Variants in ERCC1 observed in about 807,000 individuals in gnomAD.
ERCC1 encodes the protein ERCC excision repair 1, endonuclease non-catalytic subunit.
Under a neutral mutation model 37.6 loss-of-function variants are expected in ERCC1, and 36 were observed. The observed-to-expected ratio is 0.96, with a 90% CI of 0.73 to 1.26. The LOEUF is 1.26. Ranked by LOEUF, ERCC1 falls within the 50% of genes most tolerant of loss-of-function variation. ERCC1 has a pLI of 0.00. For synonymous variants in ERCC1, 156 were observed against 162.1 expected, an observed-to-expected ratio of 0.96 and a Z score of 0.28; for missense variants, 349 against 376.5, an observed-to-expected ratio of 0.93 and a Z score of 0.60.
At chr19:45,436,701 C>G (rs1974988997) in intron 1 of ERCC1, 2 of 152,296 alleles carry the variant, frequency 1.3e-5, no homozygotes, top group Non-Finnish European at 2.9e-5. Flanking sequence ...CTACGCTGAT[C>G]TCAAACTCCT....
chr19:45,429,505 G>A (rs1974783468), intron 1 of ERCC1, among the ~76,000 whole-genome samples: 1 of 151,984 alleles, frequency 6.6e-6, no homozygotes, highest in Non-Finnish European at 1.5e-5. Flanking sequence ...ACAGAATGGA[G>A]GACCTATTTA....
rs200459924 is a variant in ERCC1 at position 45,420,403 on chromosome 19, C to T, written c.346G>A (p.Val116Met). The change falls in exon 4 of 10, where the codon GTG (valine) becomes ATG (methionine). Residue 116 changes from valine to methionine, a missense_variant. Physicochemically the swap from Val to Met is conservative, Grantham distance 21. Coordinates refer to ENST00000300853, the MANE Select transcript of ERCC1 (RefSeq NM_001983.4). This position sits in a 1 kb window ranked among gnomAD's most constrained non-coding sequence, Gnocchi z 4.8. ...RQRGNPVLKFVRNVPWEFGDV... is the reference protein window; with the variant it reads ...RQRGNPVLKFMRNVPWEFGDV... ...CCAAATTCCCAGGGCACATTGCGCA[C>T]GAACTTCAGTACGGGATTGCCCCTC... 5.1e-5 allele frequency: 83 copies of T among 1,613,356 alleles called. No individual in the cohort carries two copies. The highest frequency in any genetic ancestry group is 3.3e-4 in the Middle Eastern group (2 of 6,084).
chr19:45,407,344 GA>G lies in ERCC1; in HGVS notation c.*2330del. 9.2e-7 allele frequency: 1 copy of G among 1,088,868 alleles called. No homozygotes were observed. The highest frequency in any genetic ancestry group is 1.3e-6 in the Non-Finnish European group (1 of 758,628). The allele number at this position is 1,088,868 out of a possible 1,614,324, so 67.5% of individuals were successfully genotyped here. Reference sequence around the variant, plus strand: ...AGGTGAGTCACAGAGCACAGTGAAAGAAACAAGTTTATTGGAAACTACTCCT... The same window carrying G: ...AGGTGAGTCACAGAGCACAGTGAAAGAACAAGTTTATTGGAAACTACTCCT... On this transcript the variant is annotated 3_prime_UTR_variant, in exon 10 of 10. Coordinates refer to ENST00000300853, the MANE Select transcript of ERCC1 (RefSeq NM_001983.4).
intron 1 of ERCC1, among the ~76,000 whole-genome samples, chr19:45,451,252 G>A (rs1967112832): frequency 6.6e-6 from 1 of 152,166 alleles, no homozygotes; most frequent in Admixed American, 6.5e-5. Flanking sequence ...CCGCGCTGTG[G>A]CTGTCTCATA....
intron 1 of ERCC1, among the ~76,000 whole-genome samples, chr19:45,431,872 A>G (rs988133793): frequency 1.3e-5 from 2 of 152,112 alleles, no homozygotes; most frequent in East Asian, 3.9e-4. Context: ...AGCCTGGACA[A>G]CAGACTGAGA....
chr19:45,407,457 T>G lies in ERCC1; in HGVS notation c.*2218A>C, dbSNP rs564538579. ...CTACTTATAAGAAACTATAAGGAAC[T>G]ATAGTTAAACTTGGAGTGTGCAGAT... On this transcript the variant is annotated 3_prime_UTR_variant, in exon 10 of 10. Transcript: ENST00000300853. 12 of 524,950 alleles carry G rather than the reference T, an allele frequency of 2.3e-5. No homozygotes were observed. In the East Asian group the frequency reaches 3.9e-4, roughly 17 times the overall value. The allele number at this position is 524,950 out of a possible 1,614,324, so 32.5% of individuals were successfully genotyped here. A position where few individuals can be genotyped will look rare whatever the true frequency, so the allele number is the denominator to read the frequency against.
chr19:45,421,241 C>T lies in ERCC1; in HGVS notation c.258G>A (p.Glu86=), dbSNP rs945172721. The T allele has an allele frequency of 4.0e-5, 64 of 1,614,100 alleles. No homozygotes were observed. Among genetic ancestry groups the T allele is most frequent in the Non-Finnish European group, 4.9e-5 (58 of 1,180,052 alleles). ...CPTGSEPLAG[E]TPNQALKPGA... ...CGGGTTTCAGGGCCTGGTTGGGCGTCTCTCCTGCCAGGGGCTCTGACCCTG... is the reference window on the plus strand; with the variant it reads ...CGGGTTTCAGGGCCTGGTTGGGCGTTTCTCCTGCCAGGGGCTCTGACCCTG... Residue 86 remains glutamate (E), a synonymous_variant, in exon 3 of 10, where the codon GAG becomes GAA. Transcript: ENST00000300853.
intron 1 of ERCC1, among the ~76,000 whole-genome samples, chr19:45,431,414 CATG>C (rs1974826630): frequency 1.3e-5 from 2 of 152,278 alleles, no homozygotes; most frequent in East Asian, 3.9e-4. Flanking sequence ...AGCAGTGGCT[CATG>C]CCTGTAATCC....
chr19:45,450,029 C>A (rs1967065315), intron 1 of ERCC1, among the ~76,000 whole-genome samples: 1 of 152,110 alleles, frequency 6.6e-6, no homozygotes, highest in South Asian at 2.1e-4. Flanking sequence ...CATAATTAAA[C>A]CTATTTTATA....
intron 1 of ERCC1, among the ~76,000 whole-genome samples, chr19:45,432,790 G>A (rs1974867602): frequency 6.6e-6 from 1 of 152,252 alleles, no homozygotes; most frequent in African/African-American, 2.4e-5. Context: ...AAGGGGGCCA[G>A]GTGGAGTGGC....
At position 45,408,944 on chromosome 19, in the gene ERCC1, C is replaced by G. The variant is rs371563856; in HGVS notation, c.*731G>C. 2.3e-5 allele frequency: 37 copies of G among 1,613,886 alleles called. No individual in the cohort carries two copies. The highest frequency in any genetic ancestry group is 2.5e-5 in the Non-Finnish European group (29 of 1,179,996). On this transcript the variant is annotated 3_prime_UTR_variant, in exon 10 of 10. Transcript: ENST00000300853. ...ACTGGAGGAAGCCATCCCTCTGCCCCCTACGAAGAAGAGGAAAAAAGAAAA... is the reference window on the plus strand; with the variant it reads ...ACTGGAGGAAGCCATCCCTCTGCCCGCTACGAAGAAGAGGAAAAAAGAAAA...
intron 1 of ERCC1, among the ~76,000 whole-genome samples, chr19:45,438,369 T>C (rs768379974): frequency 4.6e-5 from 7 of 152,192 alleles, no homozygotes; most frequent in Non-Finnish European, 8.8e-5. Context: ...CACCTGGCCC[T>C]GACATCTTGA....
chr19:45,450,254 C>T (rs1200033386), intron 1 of ERCC1, among the ~76,000 whole-genome samples: 1 of 152,190 alleles, frequency 6.6e-6, no homozygotes, highest in Non-Finnish European at 1.5e-5. Flanking sequence ...CCTATGCACA[C>T]GTGCAATCAA....
upstream of ERCC1, among the ~76,000 whole-genome samples, chr19:45,428,737 GGAAGCGGGCAC>G (rs1023123645): frequency 2.6e-5 from 4 of 152,342 alleles, no homozygotes; most frequent in Admixed American, 2.6e-4. Flanking sequence ...CGAAGGCTCT[GGAAGCGGGCAC>G]CGCCGGGGGG....
At chr19:45,436,355 C>T (rs948564945) in intron 1 of ERCC1, among the ~76,000 whole-genome samples, 1 of 152,118 alleles carries the variant, frequency 6.6e-6, no homozygotes, top group African/African-American at 2.4e-5. Context: ...GGCCGGGCGC[C>T]GTGGCTCACG....
chr19:45,420,382 A>G lies in ERCC1; in HGVS notation c.367T>C (p.Phe123Leu), dbSNP rs2123512371. 6.2e-7 allele frequency: 1 copy of G among 1,613,896 alleles called. No homozygotes were observed. The change falls in exon 4 of 10, where the codon TTT becomes CTT. Residue 123 changes from phenylalanine (F) to leucine (L), a missense_variant. Physicochemically the swap from Phe to Leu is conservative, Grantham distance 22. Coordinates refer to ENST00000300853, the MANE Select transcript of ERCC1 (RefSeq NM_001983.4). This position sits in a 1 kb window ranked among gnomAD's most constrained non-coding sequence, Gnocchi z 4.8. ...LKFVRNVPWE[F>L]GDVIPDYVLG... ...ACATAGTCGGGAATTACGTCGCCAA[A>G]TTCCCAGGGCACATTGCGCACGAAC...
chr19:45,423,009 CAG>C (rs970962290), intron 2 of ERCC1, among the ~76,000 whole-genome samples: 2 of 152,158 alleles, frequency 1.3e-5, no homozygotes, highest in African/African-American at 4.8e-5. Flanking sequence ...CTTGAAAAAT[CAG>C]GGTGCTGGCC....
Position 45,419,212 on chromosome 19 carries a change from G to A in ERCC1, c.426-15C>T, listed in dbSNP as rs754664782. 3.8e-6 allele frequency: 6 copies of A among 1,563,692 alleles called. No individual in the cohort carries two copies. Among genetic ancestry groups the A allele is most frequent in the South Asian group, 2.3e-5 (2 of 86,190 alleles). On this transcript the variant is annotated splice_polypyrimidine_tract_variant and intron_variant, in intron 4 of 9. Transcript: ENST00000300853. ...GGTAGCGGAGGCTGGTGGGGGCAGG[G>A]AGCGGGAGTTGAGAGGTCTCAGTCT...
intron 1 of ERCC1, among the ~76,000 whole-genome samples, chr19:45,450,338 A>G (rs187196569): frequency 4.6e-4 from 70 of 152,318 alleles, no homozygotes; most frequent in African/African-American, 1.5e-3. Flanking sequence ...CTCTTCCTCA[A>G]GAAGGCTAAC....
Sources: allele counts gnomAD v4.1 joint callset (sites outside exome capture counted in the v4.1 genomes callset), GRCh38; gene constraint gnomAD v4.1.1; non-coding constraint Gnocchi (gnomAD v3.1); transcripts MANE v1.5; gene names NCBI Gene and HGNC (gene_info 2026-07-23, HGNC 2026-07-21).